Variants in ZNF597 observed in about 807,000 individuals in gnomAD.
ZNF597 encodes zinc finger protein 597.
In ZNF597, 5 loss-of-function variants were observed where a neutral mutation model predicts 7.3. The observed-to-expected ratio is 0.68, with a 90% confidence interval of 0.36 to 1.44. ZNF597 has a LOEUF of 1.44. ZNF597 is among the 40% of genes most tolerant of loss of function. The pLI, the probability that ZNF597 is intolerant of heterozygous loss-of-function variation, is 0.04. For synonymous variants in ZNF597, 209 were observed against 185.4 expected (o/e 1.13, Z -1.04); for missense variants, 585 against 517.9 (o/e 1.13, Z -1.26).
intron 3 of ZNF597, among the ~76,000 whole-genome samples, chr16:3,440,358 G>A (rs1489266338): frequency 3.9e-5 from 6 of 152,192 alleles, no homozygotes; most frequent in East Asian, 1.9e-4. Flanking sequence ...CATCTCGGCC[G>A]GGCTCAGTGG....
intron 3 of ZNF597, among the ~76,000 whole-genome samples, chr16:3,439,216 A>C (rs1413165312): frequency 6.8e-6 from 1 of 146,950 alleles, no homozygotes; most frequent in African/African-American, 2.5e-5. Flanking sequence ...CCATCCCTAC[A>C]AAAAAAAAAC....
chr16:3,442,693 A>T (rs1344070372), intron 2 of ZNF597, among the ~76,000 whole-genome samples: 1 of 146,680 alleles, frequency 6.8e-6, no homozygotes, highest in Non-Finnish European at 1.5e-5. Context: ...AAAAAAAAGA[A>T]CTTTTAAAAG....
Position 3,434,578 on chromosome 16 carries a change from A to G in ZNF597, c.*1846T>C, listed in dbSNP as rs1031447585. On this transcript the variant is annotated 3_prime_UTR_variant, in exon 4 of 4. Coordinates refer to ENST00000301744, the MANE Select transcript of ZNF597 (RefSeq NM_152457.3). ...GAAACAAGACAAGAATGACAAAGAGAGAGAAACTCTCTCTGGGTTAGGGAT... is the reference window on the plus strand; with the variant it reads ...GAAACAAGACAAGAATGACAAAGAGGGAGAAACTCTCTCTGGGTTAGGGAT... 2 of 151,380 alleles carry G rather than the reference A, an allele frequency of 1.3e-5. No individual in the cohort carries two copies. The highest frequency in any genetic ancestry group is 2.9e-5 in the Non-Finnish European group (2 of 67,852). The allele number at this position is 151,380 out of a possible 1,614,324, so 9.4% of individuals were successfully genotyped here. A position where few individuals can be genotyped will look rare whatever the true frequency, so the allele number is the denominator to read the frequency against.
At position 3,437,389 on chromosome 16, in the gene ZNF597, T is replaced by C; in HGVS notation, c.310A>G (p.Lys104Glu). 6.2e-7 allele frequency: 1 copy of C among 1,614,148 alleles called. No individual in the cohort carries two copies. Among genetic ancestry groups the C allele is most frequent in the Non-Finnish European group, 8.5e-7 (1 of 1,180,036 alleles). ...SEDGVGNPEA[K>E]ILSGTPTYKR... is the part of the protein sequence containing the mutation. ...TAAGTGGGAGTTCCACTTAATATTTTCGCTTCAGGGTTTCCAACTCCATCC... is the reference window on the plus strand; with the variant it reads ...TAAGTGGGAGTTCCACTTAATATTTCCGCTTCAGGGTTTCCAACTCCATCC... Residue 104 changes from lysine (K) to glutamate (E), a missense_variant, in exon 4 of 4, where the codon AAA becomes GAA. By Grantham distance (56) the Lys-to-Glu change is moderately conservative. Transcript: ENST00000301744.
In ZNF597 at chr16:3,439,801, A is replaced by G. The variant is rs114684865; in HGVS notation, c.160+1006T>C. 5.0e-3 allele frequency among the ~76,000 whole-genome samples: 759 copies of G among 152,316 alleles called. 8 individuals are homozygous for G. Among genetic ancestry groups the G allele is most frequent in the African/African-American group, 0.016 (670 of 41,572 alleles). On this transcript the variant is annotated intron_variant, in intron 3 of 3. Transcript: ENST00000301744. ...CCAGGAAGTAAAGAAAATATAGAAA[A>G]TATAACCCATAACTAGAAGACAAAT... is the stretch of plus-strand genomic sequence containing the variant.
intron 2 of ZNF597, among the ~76,000 whole-genome samples, chr16:3,442,766 C>T (rs1472942233): frequency 6.6e-6 from 1 of 151,964 alleles, no homozygotes; most frequent in Non-Finnish European, 1.5e-5. Context: ...TAAGGATTCC[C>T]TGAGTTCCAG....
In ZNF597 at chr16:3,436,692, G is replaced by A; in HGVS notation, c.1007C>T (p.Ser336Leu). The A allele has an allele frequency of 6.2e-7, 1 of 1,614,046 alleles. No individual in the cohort carries two copies. Among genetic ancestry groups the A allele is most frequent in the African/African-American group, 1.3e-5 (1 of 75,042 alleles). ...SDDGDNFFSF[S>L]KFKPLQCPDC... ...AGGACACTGTAAGGGCTTGAATTTT[G>A]AGAATGAGAAGAAATTGTCCCCATC... The change falls in exon 4 of 4, where the codon TCA becomes TTA. Residue 336 changes from serine to leucine, a missense_variant. Ser to Leu is a moderately radical substitution (Grantham distance 145). Transcript: ENST00000301744.
At chr16:3,442,498 AC>A (rs2034397971) in intron 2 of ZNF597, among the ~76,000 whole-genome samples, 1 of 151,832 alleles carries the variant, frequency 6.6e-6, no homozygotes. Flanking sequence ...ACACGGTGAA[AC>A]CCCGTCTCTA....
At chr16:3,438,279 G>C (rs2034325866) in intron 3 of ZNF597, among the ~76,000 whole-genome samples, 1 of 151,250 alleles carries the variant, frequency 6.6e-6, no homozygotes, top group Admixed American at 6.6e-5. Context: ...TTAAAAAGAG[G>C]CTGGGCACGG....
Position 3,436,888 on chromosome 16 carries a change from T to C in ZNF597, c.811A>G (p.Thr271Ala). ...TCATTAAAATGTTTATCACAGTTAG[T>C]AGATTCGTAGGTGTTTTCAGCACTG... ...SHSAENTYES[T>A]NCDKHFNEKP... The change falls in exon 4 of 4, where the codon ACT becomes GCT. Residue 271 changes from threonine to alanine, a missense_variant. Thr to Ala is a moderately conservative substitution (Grantham distance 58). Transcript: ENST00000301744. 6.2e-7 allele frequency: 1 copy of C among 1,614,144 alleles called. No homozygotes were observed. The highest frequency in any genetic ancestry group is 1.1e-5 in the South Asian group (1 of 91,080).
Position 3,434,464 on chromosome 16 carries a change from C to G in ZNF597, c.*1960G>C, listed in dbSNP as rs924600906. The G allele has an allele frequency of 3.9e-5, 6 of 152,216 alleles. No homozygotes were observed. Among genetic ancestry groups the G allele is most frequent in the Non-Finnish European group, 8.8e-5 (6 of 68,048 alleles). The allele number at this position is 152,216 out of a possible 1,614,324, so 9.4% of individuals were successfully genotyped here. On this transcript the variant is annotated 3_prime_UTR_variant, in exon 4 of 4. Transcript: ENST00000301744. ...AACCTGGAAGCTGGTGTCCTGTCTCCTAAGAGTGGAGACATCAGAAACAAA... is the reference window on the plus strand; with the variant it reads ...AACCTGGAAGCTGGTGTCCTGTCTCGTAAGAGTGGAGACATCAGAAACAAA...
intron 3 of ZNF597, among the ~76,000 whole-genome samples, chr16:3,437,784 A>G (rs1184336812): frequency 6.6e-6 from 1 of 152,220 alleles, no homozygotes; most frequent in Non-Finnish European, 1.5e-5. Flanking sequence ...CCAGTGGGAT[A>G]GGTACTAAGG....
At position 3,436,927 on chromosome 16, in the gene ZNF597, G is replaced by C; in HGVS notation, c.772C>G (p.His258Asp). The change falls in exon 4 of 4, where the codon CAT (histidine) becomes GAT (aspartate). Residue 258 changes from histidine to aspartate, a missense_variant. His to Asp is a moderately conservative substitution (Grantham distance 81). Coordinates refer to ENST00000301744, the MANE Select transcript of ZNF597 (RefSeq NM_152457.3). ...GFMWLPGLAQHQKSHSAENTY... is the reference protein window; with the variant it reads ...GFMWLPGLAQDQKSHSAENTY... ...TTTTCAGCACTGTGGCTTTTCTGAT[G>C]CTGTGCCAATCCTGGGAGCCACATA... 6.2e-7 allele frequency: 1 copy of C among 1,614,154 alleles called. No homozygotes were observed. Among genetic ancestry groups the C allele is most frequent in the East Asian group, 2.2e-5 (1 of 44,884 alleles).
rs1013671907 is a variant in ZNF597 at position 3,443,218 on chromosome 16, G to A, written c.-53-12C>T. 2 of 1,546,580 alleles carry A rather than the reference G, an allele frequency of 1.3e-6. No individual in the cohort carries two copies. Among genetic ancestry groups the A allele is most frequent in the Non-Finnish European group, 1.8e-6 (2 of 1,131,166 alleles). On this transcript the variant is annotated splice_polypyrimidine_tract_variant and intron_variant, in intron 1 of 3. Coordinates refer to ENST00000301744, the MANE Select transcript of ZNF597 (RefSeq NM_152457.3). Reference sequence around the variant, plus strand: ...ACTTCGTGACAAAGCTGCGGGGGGAGAGAACAGTTCTTAAAGGGACCAATT... The same window carrying A: ...ACTTCGTGACAAAGCTGCGGGGGGAAAGAACAGTTCTTAAAGGGACCAATT...
chr16:3,438,835 A>G (rs1011273134), intron 3 of ZNF597, among the ~76,000 whole-genome samples: 12 of 151,238 alleles, frequency 7.9e-5, no homozygotes, highest in Non-Finnish European at 1.5e-4. Flanking sequence ...TCAGTTATAA[A>G]GCAAATATAT....
chr16:3,436,377 C>G lies in ZNF597; in HGVS notation c.*47G>C. ...TATACAGTAACTGCTTCCCACCATA[C>G]AGATACTGAAAAGCCCAATCACTAA... On this transcript the variant is annotated 3_prime_UTR_variant, in exon 4 of 4. Transcript: ENST00000301744. The G allele has an allele frequency of 2.6e-6, 4 of 1,565,428 alleles. No individual in the cohort carries two copies. The highest frequency in any genetic ancestry group is 3.5e-6 in the Non-Finnish European group (4 of 1,150,142).
In ZNF597 at chr16:3,436,804, T is replaced by C. The variant is rs1006470150; in HGVS notation, c.895A>G (p.Thr299Ala). The C allele has an allele frequency of 1.2e-6, 2 of 1,613,680 alleles. No individual in the cohort carries two copies. Among genetic ancestry groups the C allele is most frequent in the South Asian group, 2.2e-5 (2 of 91,082 alleles). The change falls in exon 4 of 4, where the codon ACT becomes GCT. Residue 299 changes from threonine to alanine, a missense_variant. Coordinates refer to ENST00000301744, the MANE Select transcript of ZNF597 (RefSeq NM_152457.3). ...TGCCTGAAGCTCTTCATGCACTTAG[T>C]GTGCTGGTACTGGGGGCCTGATACG... Reference protein sequence around the residue: ...TFVSGPQYQHTKCMKSFRQSL... With the variant: ...TFVSGPQYQHAKCMKSFRQSL...
At chr16:3,439,548 C>A (rs1353056408) in intron 3 of ZNF597, among the ~76,000 whole-genome samples, 11 of 151,980 alleles carry the variant, frequency 7.2e-5, no homozygotes. Flanking sequence ...GCAGCAACGT[C>A]CACAGAAAAA....
rs747817310 is a variant in ZNF597, at chr16:3,436,784, G to A, written c.915C>T (p.Phe305=). Residue 305 remains phenylalanine (F), a synonymous_variant, in exon 4 of 4, where the codon TTC becomes TTT. Coordinates refer to ENST00000301744, the MANE Select transcript of ZNF597 (RefSeq NM_152457.3). ...AAAGGGCAGGATATAAGGACTGCCT[G>A]AAGCTCTTCATGCACTTAGTGTGCT... The part of the protein sequence containing the change: ...QYQHTKCMKS[F]RQSLYPALSE... The A allele has an allele frequency of 1.9e-6, 3 of 1,613,584 alleles. No individual in the cohort carries two copies. Among genetic ancestry groups the A allele is most frequent in the Admixed American group, 1.7e-5 (1 of 60,028 alleles).
Sources: gnomAD v4.1 joint callset for allele counts (sites outside exome capture counted in the v4.1 genomes callset) on GRCh38, gnomAD v4.1.1 for gene constraint, MANE v1.5 for transcripts, NCBI Gene and HGNC (gene_info 2026-07-23, HGNC 2026-07-21) for gene names.